The following CHIC2 variants were observed in gnomAD, a reference collection of about 807,000 sequenced individuals.
The protein encoded by CHIC2 is cysteine-rich hydrophobic domain-containing protein 2.
A neutral mutation model predicts 25.9 loss-of-function variants in CHIC2; 14 were observed. The ratio of observed to expected loss-of-function variants is 0.54; its 90% CI spans 0.36 to 0.85. The LOEUF (loss-of-function observed/expected upper bound fraction) is 0.85. Ranked by LOEUF, CHIC2 falls within the 40% of genes least tolerant of loss-of-function variation. The pLI is 0.01. For missense variants in CHIC2, 146 were observed against 202.0 expected (o/e 0.72, Z 1.68); for synonymous variants, 70 against 72.0 (o/e 0.97, Z 0.14).
chr4:54,019,471 T>C (rs1351372998), intron 3 of CHIC2, among the ~76,000 whole-genome samples: 8 of 152,282 alleles, frequency 5.3e-5, no homozygotes, highest in South Asian at 2.1e-4. Context: ...TATCCTCTAG[T>C]ACTGAGCAGT....
intron 3 of CHIC2, among the ~76,000 whole-genome samples, chr4:54,023,231 T>C (rs1715954800): frequency 6.6e-6 from 1 of 152,202 alleles, no homozygotes; most frequent in African/African-American, 2.4e-5. Flanking sequence ...CCGTGCCCTG[T>C]AGCCTTTCTG....
intron 1 of CHIC2, among the ~76,000 whole-genome samples, chr4:54,051,036 T>G (rs1461954233): frequency 6.6e-6 from 1 of 152,108 alleles, no homozygotes; most frequent in African/African-American, 2.4e-5. Flanking sequence ...ATTCTGCATA[T>G]TGTCATCACT....
At chr4:54,044,837 C>CA (rs1291190193) in intron 3 of CHIC2, among the ~76,000 whole-genome samples, 4 of 151,704 alleles carry the variant, frequency 2.6e-5, no homozygotes, top group East Asian at 3.9e-4. Context: ...AAAAACCCTT[C>CA]AAAAAAATCA....
At chr4:54,062,264 A>G (rs749042375) in intron 1 of CHIC2, among the ~76,000 whole-genome samples, 1 of 152,176 alleles carries the variant, frequency 6.6e-6, no homozygotes, top group Non-Finnish European at 1.5e-5. Flanking sequence ...TTGATGATAG[A>G]TAGTCCCTCC....
intron 3 of CHIC2, among the ~76,000 whole-genome samples, chr4:54,031,245 A>G (rs1462263981): frequency 6.6e-6 from 1 of 150,986 alleles, no homozygotes; most frequent in Non-Finnish European, 1.5e-5. Context: ...AGCTTCAAAC[A>G]TTGGTTTACT....
intron 1 of CHIC2, among the ~76,000 whole-genome samples, chr4:54,051,036 T>C (rs1461954233): frequency 1.3e-5 from 2 of 152,108 alleles, no homozygotes; most frequent in Admixed American, 6.6e-5. Flanking sequence ...ATTCTGCATA[T>C]TGTCATCACT....
At position 54,049,234 on chromosome 4, in the gene CHIC2, A is replaced by G; in HGVS notation, c.174+17T>C. On this transcript the variant is annotated intron_variant, in intron 2 of 5. Coordinates refer to ENST00000263921, the MANE Select transcript of CHIC2 (RefSeq NM_012110.4). ...TCATTTTGAGGCATACAAATAGTAC[A>G]TAAATGAGACACTCACTTTTCCAGT... is the stretch of plus-strand genomic sequence containing the variant. 2 of 1,598,130 alleles carry G rather than the reference A, an allele frequency of 1.3e-6. No individual in the cohort carries two copies. The highest frequency in any genetic ancestry group is 2.3e-5 in the South Asian group (2 of 88,374).
At chr4:54,088,333 G>A in the CHIC2 span, among the ~76,000 whole-genome samples, 2 of 152,116 alleles carry the variant, frequency 1.3e-5, no homozygotes, top group Admixed American at 6.5e-5. Context: ...AATGCATGTT[G>A]TAACGTGATA....
chr4:54,069,038 A>C (rs969987905), upstream of CHIC2, among the ~76,000 whole-genome samples: 1 of 152,194 alleles, frequency 6.6e-6, no homozygotes, highest in African/African-American at 2.4e-5. Flanking sequence ...ATCACCATTC[A>C]CTGCAGTCCA....
In CHIC2 at chr4:54,034,576, G is replaced by T. The variant is rs1464365500; in HGVS notation, c.330+14379C>A. Among the ~76,000 whole-genome samples the T allele has an allele frequency of 1.1e-3, 167 of 151,940 alleles. 1 individual carries two copies. In the South Asian group the frequency reaches 0.019, roughly 18 times the overall value. ...AGCATTTTTATGCTACTTAAAAATTGTTTTTCATTTTAATTTTTTATTTTT... is the reference window on the plus strand; with the variant it reads ...AGCATTTTTATGCTACTTAAAAATTTTTTTTCATTTTAATTTTTTATTTTT... On this transcript the variant is annotated intron_variant, in intron 3 of 5. Coordinates refer to ENST00000263921, the MANE Select transcript of CHIC2 (RefSeq NM_012110.4).
chr4:54,023,667 G>A, intron 3 of CHIC2, among the ~76,000 whole-genome samples: 1 of 152,106 alleles, frequency 6.6e-6, no homozygotes, highest in East Asian at 1.9e-4. Context: ...CACCAACAAA[G>A]GCAGGCTATG....
chr4:54,050,755 T>G (rs1216785885), intron 1 of CHIC2, among the ~76,000 whole-genome samples: 1 of 152,130 alleles, frequency 6.6e-6, no homozygotes, highest in Non-Finnish European at 1.5e-5. Context: ...ATAGCCTAGA[T>G]GTGTAGTAGG....
the CHIC2 span, among the ~76,000 whole-genome samples, chr4:54,072,277 GGGC>G: frequency 6.6e-6 from 1 of 151,688 alleles, no homozygotes; most frequent in East Asian, 1.9e-4. Flanking sequence ...ACTCCAGCCT[GGGC>G]GACAGAGCAA....
At chr4:54,064,729 GCGGGCGCGCGCACGTGCGGCCT>G, upstream of CHIC2, 2 of 881,558 alleles carry the variant, frequency 2.3e-6, no homozygotes, top group Non-Finnish European at 2.7e-6. This position sits in a 1 kb window ranked among gnomAD's most constrained non-coding sequence, Gnocchi z 4.2. Flanking sequence ...TGGCGGGCGG[GCGGGCGCGCGCACGTGCGGCCT>G]CGCGCGCTCC....
At chr4:54,063,516 G>A (rs1717399008) in intron 1 of CHIC2, among the ~76,000 whole-genome samples, 1 of 152,220 alleles carries the variant, frequency 6.6e-6, no homozygotes, top group African/African-American at 2.4e-5. Context: ...CCCCAAGGAG[G>A]AGCTTCAGGA....
intron 2 of CHIC2, 53 bp downstream of exon 2, chr4:54,049,198 G>A: frequency 6.4e-7 from 1 of 1,564,674 alleles, no homozygotes; most frequent in East Asian, 2.3e-5. Flanking sequence ...AATTTTCTCA[G>A]AAAAAAACTT....
intron 3 of CHIC2, among the ~76,000 whole-genome samples, chr4:54,023,882 AG>A (rs1715979986): frequency 6.6e-6 from 1 of 152,180 alleles, no homozygotes; most frequent in African/African-American, 2.4e-5. Flanking sequence ...TCACCGTGCA[AG>A]GGTCCTCCAT....
At chr4:54,026,091 A>C (rs990552629) in intron 3 of CHIC2, among the ~76,000 whole-genome samples, 1 of 152,142 alleles carries the variant, frequency 6.6e-6, no homozygotes, top group Non-Finnish European at 1.5e-5. Flanking sequence ...TATGAAAACT[A>C]AAGCTTACAG....
chr4:54,065,075 T>C (rs568920914), upstream of CHIC2, among the ~76,000 whole-genome samples: 4 of 152,358 alleles, frequency 2.6e-5, no homozygotes, highest in South Asian at 8.3e-4. Context: ...TTTGAGTCTA[T>C]GATGAGAACC....
Sources: allele counts gnomAD v4.1 joint callset (sites outside exome capture counted in the v4.1 genomes callset), GRCh38; gene constraint gnomAD v4.1.1; non-coding constraint Gnocchi (gnomAD v3.1); transcripts MANE v1.5; gene names NCBI Gene and HGNC (gene_info 2026-07-23, HGNC 2026-07-21).